The following ADAM10 variants were observed in gnomAD, a reference collection of about 807,000 sequenced individuals.
ADAM10 encodes ADAM metallopeptidase domain 10, also known as disintegrin and metalloproteinase domain-containing protein 10.
In ADAM10, 17 loss-of-function variants were observed where a neutral mutation model predicts 90.1. The ratio of observed to expected loss-of-function variants is 0.19; its 90% CI spans 0.13 to 0.28. ADAM10 has a LOEUF of 0.28. ADAM10 is among the 10% of genes least tolerant of loss of function. The probability of loss-of-function intolerance (pLI) is 1.00; values close to 1 mark genes in which losing one functional copy is unlikely to be tolerated. For missense variants in ADAM10, 610 were observed against 914.3 expected (o/e 0.67, Z 4.29); for synonymous variants, 310 against 298.6 (o/e 1.04, Z -0.40).
rs528617620 is a variant in ADAM10 at position 58,589,408 on chromosome 15, G to C, written c.*8139C>G. On this transcript the variant is annotated 3_prime_UTR_variant, in exon 16 of 16. Coordinates refer to ENST00000260408, the MANE Select transcript of ADAM10 (RefSeq NM_001110.4). ...CTCAGGTCCAGCTTTTCTCCTCTGG[G>C]AAGTCATCTTGGCTCTTCCCACTAC... is the stretch of plus-strand genomic sequence containing the variant. 1.3e-5 allele frequency: 2 copies of C among 152,232 alleles called. No homozygotes were observed. The highest frequency in any genetic ancestry group is 2.9e-5 in the Non-Finnish European group (2 of 68,062). The allele number at this position is 152,232 out of a possible 1,614,324, so 9.4% of individuals were successfully genotyped here.
chr15:58,731,121 T>G (rs572866959), intron 1 of ADAM10, among the ~76,000 whole-genome samples: 1 of 152,276 alleles, frequency 6.6e-6, no homozygotes, highest in African/African-American at 2.4e-5. Flanking sequence ...CCCTCACTGA[T>G]AGAGTCAGTC....
At chr15:58,707,349 A>C (rs1898335940) in intron 2 of ADAM10, 1 of 152,098 alleles carries the variant, frequency 6.6e-6, no homozygotes, top group African/African-American at 2.4e-5. Flanking sequence ...ACGCTACTGC[A>C]CTCCAGCTTG....
intron 14 of ADAM10, among the ~76,000 whole-genome samples, chr15:58,600,197 T>C (rs1175101577): frequency 1.3e-5 from 2 of 152,234 alleles, no homozygotes; most frequent in Non-Finnish European, 2.9e-5. Context: ...CATATGAGTG[T>C]GCAAACCCAA....
At position 58,689,952 on chromosome 15, in the gene ADAM10, CAAA is replaced by C. The variant is rs1555418399; in HGVS notation, c.207-7641_207-7639del. Reference sequence around the variant, plus strand: ...TCCAAAACCAAAGACAGACCCCCCCCAAAAAAAAAAAAAAAAGACTGATATTCC... The same window carrying C: ...TCCAAAACCAAAGACAGACCCCCCCCAAAAAAAAAAAAAGACTGATATTCC... On this transcript the variant is annotated intron_variant, in intron 2 of 15. Transcript: ENST00000260408. Among the ~76,000 whole-genome samples, 82 of 108,894 alleles carry C rather than the reference CAAA, an allele frequency of 7.5e-4. No individual in the cohort carries two copies. In the South Asian group the frequency reaches 0.012, roughly 16 times the overall value. The allele number at this position is 108,894 out of a possible 152,430, so 71.4% of individuals were successfully genotyped here. A position where few individuals can be genotyped will look rare whatever the true frequency, so the allele number is the denominator to read the frequency against.
At chr15:58,743,246 G>T (rs866858110) in intron 1 of ADAM10, among the ~76,000 whole-genome samples, 3 of 152,124 alleles carry the variant, frequency 2.0e-5, no homozygotes, top group African/African-American at 7.2e-5. Flanking sequence ...TTTTCTGTCT[G>T]CAGCCTTTCC....
chr15:58,713,916 G>A (rs1157493901), intron 2 of ADAM10, among the ~76,000 whole-genome samples: 6 of 151,586 alleles, frequency 4.0e-5, no homozygotes, highest in African/African-American at 4.9e-5. Context: ...TGGTTCAAGC[G>A]ATTGTCATGC....
At chr15:58,707,082 G>GA (rs1209737648) in intron 2 of ADAM10, among the ~76,000 whole-genome samples, 3 of 46,748 alleles carry the variant, frequency 6.4e-5, no homozygotes, top group East Asian at 9.2e-4. Flanking sequence ...TATAAACTTT[G>GA]GGGGGGGGAA....
chr15:58,627,222 T>C (rs1895973887), intron 10 of ADAM10, among the ~76,000 whole-genome samples: 1 of 152,194 alleles, frequency 6.6e-6, no homozygotes, highest in African/African-American at 2.4e-5. Context: ...AAAGCCAATG[T>C]AGAGTGAAAT....
At chr15:58,608,258 C>A (rs1193062959) in intron 14 of ADAM10, among the ~76,000 whole-genome samples, 4 of 152,118 alleles carry the variant, frequency 2.6e-5, no homozygotes, top group Non-Finnish European at 5.9e-5. Flanking sequence ...CAAAACGCCA[C>A]CAGGCACCAC....
chr15:58,711,610 G>C (rs563068160), intron 2 of ADAM10, among the ~76,000 whole-genome samples: 29 of 152,252 alleles, frequency 1.9e-4, no homozygotes, highest in African/African-American at 6.5e-4. Context: ...GTGGCTGTAA[G>C]CTACCAACTC....
intron 2 of ADAM10, chr15:58,686,394 A>C: frequency 9.7e-7 from 1 of 1,028,642 alleles, no homozygotes; most frequent in Non-Finnish European, 1.5e-6. Flanking sequence ...GGGCCCTCGG[A>C]GCCCAGCGCC....
intron 8 of ADAM10, among the ~76,000 whole-genome samples, chr15:58,633,887 C>T (rs1393268323): frequency 1.7e-5 from 2 of 120,848 alleles, no homozygotes; most frequent in Non-Finnish European, 3.4e-5. Context: ...AGAAAATAAT[C>T]ATGTCAAGAA....
rs998702759 is a variant in ADAM10 at position 58,589,554 on chromosome 15, C to T, written c.*7993G>A. On this transcript the variant is annotated 3_prime_UTR_variant, in exon 16 of 16. Coordinates refer to ENST00000260408, the MANE Select transcript of ADAM10 (RefSeq NM_001110.4). ...GGTTTCTTTCCTTCCGCTAGACCCT[C>T]AGCTCCCTGAAGGCACAGACTGCAG... is the stretch of plus-strand genomic sequence containing the variant. 5 of 152,322 alleles carry T rather than the reference C, an allele frequency of 3.3e-5. No homozygotes were observed. Among genetic ancestry groups the T allele is most frequent in the African/African-American group, 1.2e-4 (5 of 41,470 alleles). 9.4% of individuals were successfully genotyped at this position (152,322 alleles called of 1,614,324 possible). A position where few individuals can be genotyped will look rare whatever the true frequency, so the allele number is the denominator to read the frequency against.
intron 11 of ADAM10, among the ~76,000 whole-genome samples, chr15:58,613,792 A>G (rs1299643764): frequency 6.6e-6 from 1 of 152,160 alleles, no homozygotes; most frequent in Non-Finnish European, 1.5e-5. Context: ...CTTATGGGAC[A>G]CCACCAAGTG....
chr15:58,675,772 T>C (rs1897291975), intron 4 of ADAM10, among the ~76,000 whole-genome samples: 1 of 152,196 alleles, frequency 6.6e-6, no homozygotes. Flanking sequence ...AGCAGTATCA[T>C]TTTTCATGAT....
chr15:58,634,823 A>G (rs1896205698), intron 8 of ADAM10, among the ~76,000 whole-genome samples: 2 of 152,172 alleles, frequency 1.3e-5, no homozygotes, highest in African/African-American at 4.8e-5. Context: ...CCATTTAAAA[A>G]AAGTCTAATA....
chr15:58,729,301 T>C (rs1255007715), intron 1 of ADAM10, among the ~76,000 whole-genome samples: 1 of 152,384 alleles, frequency 6.6e-6, no homozygotes, highest in Middle Eastern at 3.4e-3. Context: ...ATTGTGTTTA[T>C]GGATGTTTAA....
chr15:58,596,805 A>T lies in ADAM10; in HGVS notation c.*742T>A, dbSNP rs2140983937. 6.5e-6 allele frequency: 1 copy of T among 154,704 alleles called. No homozygotes were observed. Among genetic ancestry groups the T allele is most frequent in the Middle Eastern group, 3.4e-3 (1 of 298 alleles). The allele number at this position is 154,704 out of a possible 1,614,324, so 9.6% of individuals were successfully genotyped here. Reference sequence around the variant, plus strand: ...AACACTTAACTGTGTTCTTCAGTATAGTCACTTGTGCCCGTAGCAGCCATG... The same window carrying T: ...AACACTTAACTGTGTTCTTCAGTATTGTCACTTGTGCCCGTAGCAGCCATG... On this transcript the variant is annotated 3_prime_UTR_variant, in exon 16 of 16. Coordinates refer to ENST00000260408, the MANE Select transcript of ADAM10 (RefSeq NM_001110.4).
chr15:58,618,816 G>A (rs1354262557), intron 11 of ADAM10, among the ~76,000 whole-genome samples: 4 of 151,982 alleles, frequency 2.6e-5, no homozygotes, highest in Admixed American at 6.6e-5. Flanking sequence ...GATACACCCA[G>A]TAAAAATGAC....
Sources: gnomAD v4.1 joint callset for allele counts (sites outside exome capture counted in the v4.1 genomes callset) on GRCh38, gnomAD v4.1.1 for gene constraint, MANE v1.5 for transcripts, NCBI Gene and HGNC (gene_info 2026-07-23, HGNC 2026-07-21) for gene names.